DLGAP1: variants seen among roughly 807,000 people sequenced by gnomAD.
DLGAP1 encodes disks large-associated protein 1.
Under a neutral mutation model 90.8 loss-of-function variants are expected in DLGAP1, and 11 were observed. The ratio of observed to expected loss-of-function variants is 0.12; its 90% CI spans 0.08 to 0.20. DLGAP1 has a LOEUF of 0.20. Ranked by LOEUF, DLGAP1 falls within the 10% of genes least tolerant of loss-of-function variation. DLGAP1 has a pLI of 1.00. For synonymous variants in DLGAP1, 558 were observed against 540.7 expected, an observed-to-expected ratio of 1.03 and a Z score of -0.44; for missense variants, 1,050 against 1,333.8, an observed-to-expected ratio of 0.79 and a Z score of 3.31.
rs1266352414 is a variant in DLGAP1 at position 4,455,196 on chromosome 18, A to T, written c.-457T>A. The T allele has an allele frequency of 3.3e-5, 5 of 151,492 alleles. No individual in the cohort carries two copies. The highest frequency in any genetic ancestry group is 1.2e-4 in the African/African-American group (5 of 41,478). The allele number at this position is 151,492 out of a possible 1,614,324, so 9.4% of individuals were successfully genotyped here. On this transcript the variant is annotated 5_prime_UTR_variant, in exon 1 of 13. Coordinates refer to ENST00000315677, the MANE Select transcript of DLGAP1 (RefSeq NM_004746.4). ...TATGCTGCCGATTCCCCGAGGCGGAAGGTGTCCGCGAGGCCGTGTCCTGGA... is the reference window on the plus strand; with the variant it reads ...TATGCTGCCGATTCCCCGAGGCGGATGGTGTCCGCGAGGCCGTGTCCTGGA...
At chr18:3,628,252 T>C (rs986569201) in intron 7 of DLGAP1, among the ~76,000 whole-genome samples, 3 of 149,122 alleles carry the variant, frequency 2.0e-5, no homozygotes, top group East Asian at 2.0e-4. Context: ...TGCAGTGGTG[T>C]GATCTTGGCT....
intron 1 of DLGAP1, among the ~76,000 whole-genome samples, chr18:4,271,932 C>T (rs2145361741): frequency 6.6e-6 from 1 of 152,280 alleles, no homozygotes; most frequent in Middle Eastern, 3.4e-3. Context: ...GTTTAGTAGG[C>T]TCTGTGGTGA....
intron 7 of DLGAP1, among the ~76,000 whole-genome samples, chr18:3,641,709 A>G (rs964177954): frequency 6.6e-6 from 1 of 152,072 alleles, no homozygotes; most frequent in Non-Finnish European, 1.5e-5. Context: ...TTCACTCTAC[A>G]GTTTGAAAGT....
intron 5 of DLGAP1, among the ~76,000 whole-genome samples, chr18:3,745,784 G>A (rs1210812933): frequency 2.6e-5 from 4 of 152,036 alleles, no homozygotes; most frequent in Non-Finnish European, 5.9e-5. Flanking sequence ...CTGCCTCCTG[G>A]GTTCAAGCGA....
chr18:3,599,934 T>A (rs1408994972), intron 7 of DLGAP1, among the ~76,000 whole-genome samples: 1 of 150,160 alleles, frequency 6.7e-6, no homozygotes, highest in African/African-American at 2.5e-5. Flanking sequence ...TTTTTTTTTT[T>A]AAAGAGACAG....
intron 4 of DLGAP1, among the ~76,000 whole-genome samples, chr18:3,837,707 C>T (rs1427471326): frequency 6.6e-6 from 1 of 151,616 alleles, no homozygotes; most frequent in Non-Finnish European, 1.5e-5. Flanking sequence ...AAAAAATTAG[C>T]TGGGCGTGGT....
intron 7 of DLGAP1, among the ~76,000 whole-genome samples, chr18:3,659,740 A>G (rs1354821597): frequency 1.3e-5 from 2 of 151,844 alleles, no homozygotes; most frequent in Admixed American, 6.6e-5. Flanking sequence ...TAAGTTTCGT[A>G]TTTTTAGTAG....
intron 1 of DLGAP1, among the ~76,000 whole-genome samples, chr18:4,208,962 C>A (rs902957029): frequency 6.6e-6 from 1 of 152,132 alleles, no homozygotes; most frequent in Non-Finnish European, 1.5e-5. Flanking sequence ...GTGACCACAA[C>A]CACTGTCAGT....
intron 7 of DLGAP1, chr18:3,598,205 G>A (rs956500233): frequency 6.6e-6 from 1 of 152,198 alleles, no homozygotes; most frequent in Non-Finnish European, 1.5e-5. Flanking sequence ...ACAAAAAGTA[G>A]CTGGGCGTAG....
chr18:3,761,908 C>T (rs1204348056), intron 5 of DLGAP1, among the ~76,000 whole-genome samples: 1 of 152,072 alleles, frequency 6.6e-6, no homozygotes, highest in Non-Finnish European at 1.5e-5. Context: ...AGGTATATAC[C>T]CAGAAGTAGG....
intron 3 of DLGAP1, among the ~76,000 whole-genome samples, chr18:3,959,844 A>T (rs182452988): frequency 1.3e-5 from 2 of 152,182 alleles, no homozygotes; most frequent in Non-Finnish European, 2.9e-5. Flanking sequence ...CATGTAATCA[A>T]TATACAATTA....
intron 1 of DLGAP1, among the ~76,000 whole-genome samples, chr18:4,158,568 C>T (rs1260647013): frequency 6.6e-6 from 1 of 152,122 alleles, no homozygotes; most frequent in Non-Finnish European, 1.5e-5. Flanking sequence ...TTTGAAAATC[C>T]TAGTACAACT....
rs573946887 is a variant in DLGAP1 at position 3,823,682 on chromosome 18, G to A, written c.958-9409C>T. On this transcript the variant is annotated intron_variant, in intron 4 of 12. Transcript: ENST00000315677. ...TTTTGGAACTTGTAACAAGTACTGA[G>A]TGTTAGATGCTTGGCCCAGCACTTT... 2.0e-5 allele frequency among the ~76,000 whole-genome samples: 3 copies of A among 152,248 alleles called. No homozygotes were observed. The South Asian group carries it at 6.2e-4, about 32-fold the overall frequency.
At chr18:4,104,261 A>G (rs1021310345) in intron 2 of DLGAP1, among the ~76,000 whole-genome samples, 1 of 152,120 alleles carries the variant, frequency 6.6e-6, no homozygotes, top group African/African-American at 2.4e-5. Context: ...TTGTCTTGAA[A>G]TATTCTATTA....
At chr18:4,160,392 T>C (rs2076824592) in intron 1 of DLGAP1, among the ~76,000 whole-genome samples, 1 of 152,236 alleles carries the variant, frequency 6.6e-6, no homozygotes, top group South Asian at 2.1e-4. Flanking sequence ...CACATCTCTT[T>C]CAGTTTTTCC....
intron 4 of DLGAP1, among the ~76,000 whole-genome samples, chr18:3,872,225 CAAAAAAA>C (rs5822772): frequency 2.7e-3 from 235 of 87,094 alleles, no homozygotes; most frequent in African/African-American, 7.4e-3. Flanking sequence ...CTCTCCAAGA[CAAAAAAA>C]AAAAAAAAAA....
chr18:4,054,407 A>C (rs939172739), intron 2 of DLGAP1, among the ~76,000 whole-genome samples: 14 of 152,226 alleles, frequency 9.2e-5, no homozygotes, highest in African/African-American at 3.1e-4. Flanking sequence ...TCCAAGTTGA[A>C]AAGAATCATT....
At chr18:3,583,103 C>CG (rs1422945574) in intron 7 of DLGAP1, among the ~76,000 whole-genome samples, 1 of 151,292 alleles carries the variant, frequency 6.6e-6, no homozygotes, top group Non-Finnish European at 1.5e-5. Context: ...CCACCGGGCC[C>CG]GGCCACTTCC....
intron 2 of DLGAP1, among the ~76,000 whole-genome samples, chr18:4,057,602 T>TA (rs1357865803): frequency 6.6e-6 from 1 of 152,248 alleles, no homozygotes; most frequent in Non-Finnish European, 1.5e-5. Context: ...AAGTGTACTT[T>TA]ACTTCCTTTC....
Sources: allele counts gnomAD v4.1 joint callset (sites outside exome capture counted in the v4.1 genomes callset), GRCh38; gene constraint gnomAD v4.1.1; transcripts MANE v1.5; gene names NCBI Gene and HGNC (gene_info 2026-07-23, HGNC 2026-07-21).